Variants in PLEKHA8 observed in about 807,000 individuals in gnomAD.
PLEKHA8 encodes pleckstrin homology domain-containing family A member 8.
A neutral mutation model predicts 68.2 loss-of-function variants in PLEKHA8; 36 were observed. The ratio of observed to expected loss-of-function variants is 0.53; its 90% confidence interval spans 0.40 to 0.70. The LOEUF is 0.70. PLEKHA8 is among the 30% of genes least tolerant of loss of function. PLEKHA8 has a pLI of 0.00. For synonymous variants in PLEKHA8, 211 were observed against 216.1 expected (o/e 0.98, Z 0.20); for missense variants, 505 against 615.4 (o/e 0.82, Z 1.90).
chr7:30,128,790 C>A (rs1796825712), intron 13 of PLEKHA8, among the ~76,000 whole-genome samples: 1 of 152,164 alleles, frequency 6.6e-6, no homozygotes, highest in African/African-American at 2.4e-5. Context: ...AACATCTGCA[C>A]CTGGTGCAGG....
chr7:30,057,700 A>G (rs188106197), intron 9 of PLEKHA8, among the ~76,000 whole-genome samples: 23 of 152,224 alleles, frequency 1.5e-4, no homozygotes, highest in African/African-American at 5.3e-4. Context: ...ACCTCACATG[A>G]TCTGCCCACC....
Position 30,056,326 on chromosome 7 carries a change from A to C in PLEKHA8, c.1039+984A>C, listed in dbSNP as rs1562870028. ...TCTCTCTCTCTCTATATATATATAT[A>C]TATATAAATAACATATATATAATAT... On this transcript the variant is annotated intron_variant, in intron 9 of 13. Coordinates refer to ENST00000449726, the MANE Select transcript of PLEKHA8 (RefSeq NM_001197026.2). Among the ~76,000 whole-genome samples the C allele has an allele frequency of 4.6e-3, 606 of 131,150 alleles. 5 individuals are homozygous for C. Among genetic ancestry groups the C allele is most frequent in the African/African-American group, 0.01 (362 of 35,386 alleles). 86.0% of individuals were successfully genotyped at this position (131,150 alleles called of 152,430 possible).
chr7:30,051,881 G>A (rs757681071), intron 6 of PLEKHA8, among the ~76,000 whole-genome samples: 2 of 152,162 alleles, frequency 1.3e-5, no homozygotes, highest in Non-Finnish European at 2.9e-5. Flanking sequence ...GCTGAGGCAG[G>A]AGAATCACTT....
At chr7:30,118,578 C>A (rs1796639582) in intron 13 of PLEKHA8, among the ~76,000 whole-genome samples, 1 of 151,218 alleles carries the variant, frequency 6.6e-6, no homozygotes, top group Non-Finnish European at 1.5e-5. Flanking sequence ...TGAGGCCCAT[C>A]TTTCTTTTTT....
At chr7:30,105,311 TAAAA>T (rs59891172) in intron 13 of PLEKHA8, among the ~76,000 whole-genome samples, 14 of 53,736 alleles carry the variant, frequency 2.6e-4, no homozygotes, top group African/African-American at 5.2e-4. Flanking sequence ...TCTCTATAAT[TAAAA>T]AAAAAAAAAA....
intron 13 of PLEKHA8, among the ~76,000 whole-genome samples, chr7:30,108,067 C>CAAAAAAAAAAAAAAAAAAAAAAAA (rs796801365): frequency 1.3e-4 from 7 of 52,828 alleles, no homozygotes; most frequent in African/African-American, 4.4e-4. Flanking sequence ...AACTCCATCT[C>CAAAAAAAAAAAAAAAAAAAAAAAA]AAAAAAAAAA....
intron 7 of PLEKHA8, among the ~76,000 whole-genome samples, chr7:30,053,173 T>A (rs1792560019): frequency 1.3e-5 from 2 of 152,238 alleles, no homozygotes; most frequent in South Asian, 4.1e-4. Flanking sequence ...TAGATTATGA[T>A]GTTATACGTA....
At chr7:30,050,538 T>C in intron 6 of PLEKHA8, 64 bp downstream of exon 6, 1 of 1,451,280 alleles carries the variant, frequency 6.9e-7, no homozygotes, top group Non-Finnish European at 9.2e-7. Flanking sequence ...TATTCCTTGT[T>C]TAAAAAAAGA....
At chr7:30,094,421 C>T (rs1196648200), downstream of PLEKHA8, among the ~76,000 whole-genome samples, 1 of 151,946 alleles carries the variant, frequency 6.6e-6, no homozygotes, top group African/African-American at 2.4e-5. Flanking sequence ...ATTATAGGCG[C>T]CTGCCACCAC....
At chr7:30,090,381 A>C (rs775461557) in exon 13 of PLEKHA8, 3 of 571,358 alleles carry the variant, frequency 5.3e-6, no homozygotes, top group African/African-American at 1.9e-5. Context: ...CAAGTCGTCA[A>C]ATCTAATGTC....
chr7:30,100,516 A>C (rs1396431509), intron 13 of PLEKHA8, among the ~76,000 whole-genome samples: 1 of 152,144 alleles, frequency 6.6e-6, no homozygotes, highest in African/African-American at 2.4e-5. Context: ...ACACCACTGC[A>C]CTCCAACCTG....
chr7:30,078,752 G>C lies in PLEKHA8; in HGVS notation c.1525G>C (p.Glu509Gln). The change falls in exon 14 of 14, where the codon GAG (glutamate) becomes CAG (glutamine). Residue 509 changes from glutamate to glutamine, a missense_variant. By Grantham distance (29) the Glu-to-Gln change is conservative. Transcript: ENST00000449726. ...KQLAILDTLY[E>Q]VHGLESDEVV is the part of the protein sequence containing the mutation. ...GCTGGCCATACTGGACACTTTATAT[G>C]AGGTCCACGGGCTGGAATCTGATGA... 6.2e-7 allele frequency: 1 copy of C among 1,613,682 alleles called. No homozygotes were observed. Among genetic ancestry groups the C allele is most frequent in the Non-Finnish European group, 8.5e-7 (1 of 1,179,722 alleles).
intron 1 of PLEKHA8, among the ~76,000 whole-genome samples, chr7:30,029,152 G>T (rs776318046): frequency 6.6e-6 from 1 of 152,208 alleles, no homozygotes; most frequent in Non-Finnish European, 1.5e-5. Flanking sequence ...GAATTTTGGC[G>T]AAGGAACCGT....
At chr7:30,062,814 G>T (rs1420665858) in intron 12 of PLEKHA8, 72 bp downstream of exon 12, 3 of 1,078,580 alleles carry the variant, frequency 2.8e-6, no homozygotes, top group Non-Finnish European at 4.1e-6. Flanking sequence ...GAGGATACAG[G>T]GTATAGGGGA....
intron 10 of PLEKHA8, 151 bp from the exon 11 acceptor site, chr7:30,061,746 A>G: frequency 1.3e-6 from 1 of 752,334 alleles, no homozygotes; most frequent in South Asian, 2.2e-5. Context: ...CAAAACAAAT[A>G]CTATCATGAA....
chr7:30,083,127 C>G lies in PLEKHA8; in HGVS notation c.*4340C>G. 1 of 983,972 alleles carries G rather than the reference C, an allele frequency of 1.0e-6. No homozygotes were observed. The highest frequency in any genetic ancestry group is 1.2e-6 in the Non-Finnish European group (1 of 828,828). 61.0% of individuals were successfully genotyped at this position (983,972 alleles called of 1,614,324 possible). A position where few individuals can be genotyped will look rare whatever the true frequency, so the allele number is the denominator to read the frequency against. On this transcript the variant is annotated 3_prime_UTR_variant, in exon 14 of 14. Coordinates refer to ENST00000449726, the MANE Select transcript of PLEKHA8 (RefSeq NM_001197026.2). ...TTTAGCCATTGTTCTGTTAGCTGAG[C>G]TGATGTGTTTGGTCTTAGAGGGCCT...
intron 13 of PLEKHA8, among the ~76,000 whole-genome samples, chr7:30,119,881 T>G (rs1796666922): frequency 6.6e-6 from 1 of 152,218 alleles, no homozygotes; most frequent in African/African-American, 2.4e-5. Flanking sequence ...TCTGGCCTCC[T>G]GACACTAAAT....
chr7:30,102,542 A>G (rs867448806), intron 13 of PLEKHA8, among the ~76,000 whole-genome samples: 2 of 152,258 alleles, frequency 1.3e-5, no homozygotes, highest in African/African-American at 4.8e-5. Flanking sequence ...CAGCAGATGA[A>G]TGAGTAAACA....
chr7:30,099,949 A>T (rs1795788231), intron 13 of PLEKHA8, among the ~76,000 whole-genome samples: 1 of 152,226 alleles, frequency 6.6e-6, no homozygotes. Flanking sequence ...GTCCAAAACT[A>T]AGGTGTTGGC....
Sources: gnomAD v4.1 joint callset for allele counts (sites outside exome capture counted in the v4.1 genomes callset) on GRCh38, gnomAD v4.1.1 for gene constraint, MANE v1.5 for transcripts, NCBI Gene and HGNC (gene_info 2026-07-23, HGNC 2026-07-21) for gene names.